Variants in RPS6KA2 observed in about 807,000 individuals in gnomAD.
RPS6KA2 encodes the protein ribosomal protein S6 kinase A2.
A neutral mutation model predicts 91.8 loss-of-function variants in RPS6KA2; 42 were observed. That is an observed-to-expected ratio of 0.46 (90% CI 0.36 to 0.59). RPS6KA2 has a LOEUF of 0.59. RPS6KA2 is among the 20% of genes least tolerant of loss of function. RPS6KA2 has a pLI of 0.00. For missense variants in RPS6KA2, 798 were observed against 978.5 expected, an observed-to-expected ratio of 0.82 and a Z score of 2.46; for synonymous variants, 414 against 393.6, an observed-to-expected ratio of 1.05 and a Z score of -0.61.
intron 2 of RPS6KA2, among the ~76,000 whole-genome samples, chr6:166,657,107 C>A (rs901053007): frequency 2.2e-4 from 34 of 152,072 alleles, no homozygotes; most frequent in Admixed American, 2.0e-3. Context: ...GCTGGAGCTG[C>A]GGAGCACCAG....
At chr6:166,672,939 G>A (rs1051891633) in intron 2 of RPS6KA2, among the ~76,000 whole-genome samples, 2 of 152,190 alleles carry the variant, frequency 1.3e-5, no homozygotes, top group African/African-American at 2.4e-5. Context: ...GGCTTGGAGC[G>A]TGGGTTTGAT....
intron 2 of RPS6KA2, among the ~76,000 whole-genome samples, chr6:166,819,118 C>T (rs1197644558): frequency 5.3e-5 from 8 of 152,136 alleles, no homozygotes. Flanking sequence ...TTGAAGGTGC[C>T]TTCTGAGGAG....
At chr6:166,610,503 C>T (rs929454277) in intron 1 of RPS6KA2, among the ~76,000 whole-genome samples, 2 of 152,194 alleles carry the variant, frequency 1.3e-5, no homozygotes, top group African/African-American at 4.8e-5. Context: ...TTCATGAGGC[C>T]AAACACTTAA....
At chr6:166,673,684 G>A (rs117722296) in intron 2 of RPS6KA2, among the ~76,000 whole-genome samples, 3,130 of 152,318 alleles carry the variant, frequency 0.021, 54 homozygotes, top group Non-Finnish European at 0.029. Context: ...CTTTGAATGT[G>A]GCCCAACACA....
chr6:166,538,609 G>T, intron 2 of RPS6KA2, 59 bp downstream of exon 2: 2 of 971,474 alleles, frequency 2.1e-6, no homozygotes, highest in South Asian at 2.6e-5. Flanking sequence ...GGGGGGCTCT[G>T]TCCAGGTGTC....
At position 166,430,629 on chromosome 6, in the gene RPS6KA2, G is replaced by T; in HGVS notation, c.1423-18C>A. On this transcript the variant is annotated intron_variant, in intron 15 of 20. Coordinates refer to ENST00000265678, the MANE Select transcript of RPS6KA2 (RefSeq NM_021135.6). ...TCATAGACCTGCGGAGTGGAGAAGG[G>T]GCGCACACGTCACCACGGCTGGTTG... The T allele has an allele frequency of 1.2e-6, 2 of 1,601,850 alleles. No individual in the cohort carries two copies. Among genetic ancestry groups the T allele is most frequent in the Non-Finnish European group, 1.7e-6 (2 of 1,171,356 alleles).
chr6:166,444,453 T>C (rs116784257), intron 14 of RPS6KA2, among the ~76,000 whole-genome samples: 212 of 152,274 alleles, frequency 1.4e-3, no homozygotes, highest in African/African-American at 4.8e-3. Flanking sequence ...TTTGTCCCAA[T>C]AAAATGGCTT....
At chr6:166,507,811 A>G (rs967307500) in intron 5 of RPS6KA2, among the ~76,000 whole-genome samples, 1 of 150,240 alleles carries the variant, frequency 6.7e-6, no homozygotes, top group Non-Finnish European at 1.5e-5. Context: ...CACATGACAC[A>G]TGCACACCCC....
At chr6:166,753,209 C>T (rs1446803039) in intron 2 of RPS6KA2, among the ~76,000 whole-genome samples, 2 of 152,146 alleles carry the variant, frequency 1.3e-5, no homozygotes, top group East Asian at 1.9e-4. Context: ...CTGGTATAAC[C>T]GGAGCACCCA....
intron 2 of RPS6KA2, among the ~76,000 whole-genome samples, chr6:166,840,743 C>A (rs1780450503): frequency 6.6e-6 from 1 of 152,140 alleles, no homozygotes; most frequent in African/African-American, 2.4e-5. Flanking sequence ...GGGCAGATCA[C>A]CTGAGGTCGG....
At chr6:166,739,208 C>G (rs1219260116) in intron 2 of RPS6KA2, among the ~76,000 whole-genome samples, 1 of 152,230 alleles carries the variant, frequency 6.6e-6, no homozygotes, top group East Asian at 1.9e-4. Context: ...ATGGCTTTGA[C>G]AATTTTAACA....
At chr6:166,649,738 A>G (rs1787788616) in intron 2 of RPS6KA2, among the ~76,000 whole-genome samples, 1 of 152,252 alleles carries the variant, frequency 6.6e-6, no homozygotes, top group Non-Finnish European at 1.5e-5. Flanking sequence ...TGAGCTGAAG[A>G]AAAACCAGAC....
chr6:166,813,601 G>C (rs996936097), intron 2 of RPS6KA2, among the ~76,000 whole-genome samples: 8 of 152,158 alleles, frequency 5.3e-5, no homozygotes, highest in Admixed American at 4.6e-4. Flanking sequence ...GAAACCTGCA[G>C]GAGAACCCTT....
intron 2 of RPS6KA2, among the ~76,000 whole-genome samples, chr6:166,850,325 T>C (rs1780707687): frequency 7.7e-6 from 1 of 129,856 alleles, no homozygotes. Flanking sequence ...GAAAATCCAC[T>C]CAATTAAAAA....
intron 19 of RPS6KA2, 70 bp from the exon 20 acceptor site, chr6:166,414,001 G>T: frequency 2.1e-6 from 3 of 1,453,686 alleles, no homozygotes; most frequent in Non-Finnish European, 2.8e-6. Context: ...AGCCTCCCCA[G>T]CAGAACTCCT....
chr6:166,587,164 T>C (rs1247220391), intron 1 of RPS6KA2, among the ~76,000 whole-genome samples: 1 of 152,230 alleles, frequency 6.6e-6, no homozygotes, highest in African/African-American at 2.4e-5. Context: ...GAAATAATTT[T>C]TCTTTTATGA....
chr6:166,664,059 A>T (rs975946861), intron 2 of RPS6KA2, among the ~76,000 whole-genome samples: 4 of 152,272 alleles, frequency 2.6e-5, no homozygotes, highest in African/African-American at 9.6e-5. Flanking sequence ...TAAGTGTCAT[A>T]GAGGAAATTT....
At chr6:166,538,197 T>A (rs1439648861) in intron 2 of RPS6KA2, among the ~76,000 whole-genome samples, 2 of 152,214 alleles carry the variant, frequency 1.3e-5, no homozygotes, top group African/African-American at 2.4e-5. Context: ...GAGGCAATCG[T>A]GCAGGGTGAG....
At position 166,722,834 on chromosome 6, in the gene RPS6KA2, C is replaced by T. The variant is rs145561211; in HGVS notation, c.123+135366G>A. Among the ~76,000 whole-genome samples, 425 of 152,304 alleles carry T rather than the reference C, an allele frequency of 2.8e-3. 3 individuals are homozygous for T. The highest frequency in any genetic ancestry group is 9.8e-3 in the African/African-American group (408 of 41,552). ...CACTTCAGTTTCCATGAGCTTCAATCGCTGCATTTTCAGCCCATTCCTCTC... is the reference window on the plus strand; with the variant it reads ...CACTTCAGTTTCCATGAGCTTCAATTGCTGCATTTTCAGCCCATTCCTCTC... On this transcript the variant is annotated intron_variant, in intron 2 of 21. Coordinates refer to the RPS6KA2 transcript ENST00000503859.
Sources: allele counts gnomAD v4.1 joint callset (sites outside exome capture counted in the v4.1 genomes callset), GRCh38; gene constraint gnomAD v4.1.1; transcripts MANE v1.5; gene names NCBI Gene and HGNC (gene_info 2026-07-23, HGNC 2026-07-21).